Variants in CLDN18 observed in about 807,000 individuals in gnomAD.
CLDN18 encodes the protein claudin 18, also known as claudin-18.
A neutral mutation model predicts 25.0 loss-of-function variants in CLDN18; 20 were observed. The ratio of observed to expected loss-of-function variants is 0.80; its 90% CI spans 0.56 to 1.16. CLDN18 has a LOEUF of 1.16. Ranked by LOEUF, CLDN18 falls within the 50% of genes most tolerant of loss-of-function variation. The pLI is 0.00. For missense variants in CLDN18, 297 were observed against 345.4 expected, an observed-to-expected ratio of 0.86 and a Z score of 1.11; for synonymous variants, 125 against 135.6, an observed-to-expected ratio of 0.92 and a Z score of 0.54.
intron 1 of CLDN18, among the ~76,000 whole-genome samples, chr3:138,015,374 C>T (rs1942190889): frequency 2.0e-5 from 3 of 152,160 alleles, no homozygotes; most frequent in Admixed American, 6.5e-5. Flanking sequence ...TTGTGCTTAA[C>T]GAGGAAACTG....
intron 1 of CLDN18, among the ~76,000 whole-genome samples, chr3:138,020,787 C>T (rs769402197): frequency 2.6e-5 from 4 of 152,154 alleles, no homozygotes; most frequent in Non-Finnish European, 4.4e-5. Flanking sequence ...GCATCCATTT[C>T]GGAGGATGAT....
chr3:138,009,665 C>T (rs1219509418), upstream of CLDN18, among the ~76,000 whole-genome samples: 2 of 152,076 alleles, frequency 1.3e-5, no homozygotes, highest in African/African-American at 4.8e-5. Context: ...GACTCACCCC[C>T]AAAAAATGGG....
chr3:138,000,081 C>T (rs1169340218), intron 1 of CLDN18, among the ~76,000 whole-genome samples: 2 of 152,016 alleles, frequency 1.3e-5, no homozygotes, highest in Non-Finnish European at 2.9e-5. Context: ...CTTAGACACA[C>T]AAAAAAGGTA....
intron 1 of CLDN18, among the ~76,000 whole-genome samples, chr3:138,001,774 A>C (rs1942018537): frequency 1.3e-5 from 2 of 152,226 alleles, no homozygotes. Flanking sequence ...CTTGCATACC[A>C]TCAAGGTTGA....
chr3:138,024,845 C>A (rs1274180185), intron 3 of CLDN18, 121 bp downstream of exon 3: 1 of 605,060 alleles, frequency 1.7e-6, no homozygotes, highest in Non-Finnish European at 3.0e-6. Context: ...TCAGAGACAA[C>A]CATGCCATAT....
chr3:138,028,907 G>T (rs899090456), intron 3 of CLDN18, among the ~76,000 whole-genome samples: 1 of 152,142 alleles, frequency 6.6e-6, no homozygotes, highest in Non-Finnish European at 1.5e-5. Flanking sequence ...TACCTTGTTC[G>T]CCCTGTGTCC....
At chr3:138,015,039 C>T (rs1942187462) in intron 1 of CLDN18, among the ~76,000 whole-genome samples, 1 of 152,138 alleles carries the variant, frequency 6.6e-6, no homozygotes. Context: ...GAGGCTGTGG[C>T]AGGAAAATCA....
At chr3:138,001,339 G>A (rs1448410964) in intron 1 of CLDN18, among the ~76,000 whole-genome samples, 1 of 151,954 alleles carries the variant, frequency 6.6e-6, no homozygotes, top group African/African-American at 2.4e-5. Flanking sequence ...CTCCTTGAAT[G>A]GGGTCCTGGA....
In CLDN18 at chr3:138,031,503, T is replaced by C. The variant is rs1942395379; in HGVS notation, c.*362T>C. The C allele has an allele frequency of 1.9e-5, 3 of 161,930 alleles. No individual in the cohort carries two copies. Among genetic ancestry groups the C allele is most frequent in the South Asian group, 2.0e-4 (1 of 4,950 alleles). The allele number at this position is 161,930 out of a possible 1,614,324, so 10.0% of individuals were successfully genotyped here. ...TCCTAGTCAATAAACCCATTGATGA[T>C]CTATTTCCCAGCTTATCCCCAAGAA... On this transcript the variant is annotated 3_prime_UTR_variant, in exon 5 of 5. Transcript: ENST00000183605.
intron 1 of CLDN18, among the ~76,000 whole-genome samples, chr3:138,002,646 T>C (rs1267403918): frequency 6.6e-6 from 1 of 152,212 alleles, no homozygotes; most frequent in Non-Finnish European, 1.5e-5. Context: ...TAAATTTCCA[T>C]TGAGAAGTTA....
In CLDN18 at chr3:138,032,488, T is replaced by C. The variant is rs1438804204; in HGVS notation, c.*1347T>C. On this transcript the variant is annotated 3_prime_UTR_variant, in exon 5 of 5. Coordinates refer to ENST00000183605, the MANE Select transcript of CLDN18 (RefSeq NM_016369.4). ...AGGAAGTAGGTTAAAACTAATTCTT[T>C]AAAAAAAAAAAAAAGTTGAGCCTGA... The C allele has an allele frequency of 6.9e-6, 1 of 145,150 alleles. No homozygotes were observed. The highest frequency in any genetic ancestry group is 2.0e-4 in the East Asian group (1 of 5,000). 9.0% of individuals were successfully genotyped at this position (145,150 alleles called of 1,614,324 possible). A position where few individuals can be genotyped will look rare whatever the true frequency, so the allele number is the denominator to read the frequency against.
At chr3:138,018,685 C>T (rs1464039223) in intron 1 of CLDN18, among the ~76,000 whole-genome samples, 1 of 152,222 alleles carries the variant, frequency 6.6e-6, no homozygotes, top group Non-Finnish European at 1.5e-5. Flanking sequence ...GTACCTCCTA[C>T]AGACTTCACC....
intron 1 of CLDN18, among the ~76,000 whole-genome samples, chr3:138,020,431 G>T (rs1250937174): frequency 6.6e-6 from 1 of 152,260 alleles, no homozygotes; most frequent in African/African-American, 2.4e-5. Context: ...TATCTGGTGA[G>T]AAGGCTGCTA....
Position 138,031,351 on chromosome 3 carries a change from A to T in CLDN18, c.*210A>T. 1 of 419,170 alleles carries T rather than the reference A, an allele frequency of 2.4e-6. No homozygotes were observed. The highest frequency in any genetic ancestry group is 3.5e-5 in the East Asian group (1 of 28,214). 26.0% of individuals were successfully genotyped at this position (419,170 alleles called of 1,614,324 possible). ...AAAACAGCTGAGTTATTTATGAATT[A>T]GAGGCTATAGCTCACATTTTCAATC... On this transcript the variant is annotated 3_prime_UTR_variant, in exon 5 of 5. Transcript: ENST00000183605.
chr3:138,006,602 T>C (rs569449061), upstream of CLDN18, among the ~76,000 whole-genome samples: 1 of 152,342 alleles, frequency 6.6e-6, no homozygotes, highest in South Asian at 2.1e-4. Flanking sequence ...TAAAGCCTAT[T>C]GCCATAAATG....
At chr3:138,004,170 T>A (rs987442267) in intron 1 of CLDN18, among the ~76,000 whole-genome samples, 8 of 151,894 alleles carry the variant, frequency 5.3e-5, no homozygotes, top group Admixed American at 2.0e-4. Flanking sequence ...AAAAAAAAAA[T>A]TTTAGATAAA....
chr3:138,007,535 G>A (rs1942082109), upstream of CLDN18, among the ~76,000 whole-genome samples: 1 of 148,210 alleles, frequency 6.7e-6, no homozygotes. Flanking sequence ...ATATACTGGG[G>A]CCTGTCGGGG....
chr3:137,999,068 TC>T lies in CLDN18; in HGVS notation c.201del (p.Phe67LeufsTer16), dbSNP rs770905861. ...GGCTTCACCGAGTGCCGGGGCTACTTCACCCTGCTGGGGCTGCCAGGTAAGG... is the reference window on the plus strand; with the variant it reads ...GGCTTCACCGAGTGCCGGGGCTACTTACCCTGCTGGGGCTGCCAGGTAAGG... On this transcript the variant is annotated frameshift_variant, in exon 1 of 5. Coordinates refer to the CLDN18 transcript ENST00000343735. LOFTEE classifies it high-confidence loss of function. 1 of 1,614,112 alleles carries T rather than the reference TC, an allele frequency of 6.2e-7. No homozygotes were observed. The highest frequency in any genetic ancestry group is 1.1e-5 in the South Asian group (1 of 91,068).
chr3:138,020,192 T>C (rs987401974), intron 1 of CLDN18, among the ~76,000 whole-genome samples: 2 of 152,208 alleles, frequency 1.3e-5, no homozygotes, highest in Non-Finnish European at 2.9e-5. Context: ...AGGGGGTTTC[T>C]GGCAATGAGC....
Sources: gnomAD v4.1 joint callset for allele counts (sites outside exome capture counted in the v4.1 genomes callset) on GRCh38, gnomAD v4.1.1 for gene constraint, MANE v1.5 for transcripts, NCBI Gene and HGNC (gene_info 2026-07-23, HGNC 2026-07-21) for gene names.